The following WDPCP variants were observed in gnomAD, a reference collection of about 807,000 sequenced individuals.
WDPCP encodes WD repeat-containing and planar cell polarity effector protein fritz homolog.
A neutral mutation model predicts 93.1 loss-of-function variants in WDPCP; 71 were observed. The ratio of observed to expected loss-of-function variants is 0.76; its 90% CI spans 0.63 to 0.93. WDPCP has a LOEUF of 0.93. WDPCP is among the 40% of genes least tolerant of loss of function. The probability of loss-of-function intolerance (pLI) is 0.00; values close to 1 mark genes in which losing one functional copy is unlikely to be tolerated. For synonymous variants in WDPCP, 315 were observed against 315.0 expected, an observed-to-expected ratio of 1.00 and a Z score of 0.00; for missense variants, 844 against 887.4, an observed-to-expected ratio of 0.95 and a Z score of 0.62.
At chr2:63,516,408 CTACTTT>C (rs1278398964) in intron 1 of WDPCP, among the ~76,000 whole-genome samples, 1 of 152,086 alleles carries the variant, frequency 6.6e-6, no homozygotes, top group African/African-American at 2.4e-5. Flanking sequence ...TTTCTTCTAC[CTACTTT>C]TAAAGTTCTG....
intron 1 of WDPCP, among the ~76,000 whole-genome samples, chr2:63,572,501 G>A (rs528763006): frequency 5.3e-5 from 8 of 151,910 alleles, no homozygotes; most frequent in Admixed American, 1.3e-4. Context: ...TCAGGAGCTT[G>A]AGACCAGCCT....
intron 1 of WDPCP, among the ~76,000 whole-genome samples, chr2:63,505,991 A>G (rs1039048753): frequency 2.6e-5 from 4 of 152,140 alleles, no homozygotes; most frequent in African/African-American, 9.6e-5. Context: ...CAAAGAAGAG[A>G]GTTAAAATTT....
At chr2:63,795,163 A>G (rs190100641) in intron 2 of WDPCP, among the ~76,000 whole-genome samples, 38 of 152,348 alleles carry the variant, frequency 2.5e-4, no homozygotes, top group South Asian at 1.2e-3. Flanking sequence ...AACCTAAATG[A>G]TAAAGAATTT....
At position 63,355,910 on chromosome 2, in the gene WDPCP, C is replaced by A. The variant is rs1004504361; in HGVS notation, c.1748+22476G>T. Among the ~76,000 whole-genome samples, 15 of 151,856 alleles carry A rather than the reference C, an allele frequency of 9.9e-5. No individual in the cohort carries two copies. The East Asian group carries it at 1.2e-3, about 12-fold the overall frequency. On this transcript the variant is annotated intron_variant, in intron 12 of 17. Transcript: ENST00000272321. ...CTCAAAAAACAAACAAACAAAAAAACCCCACATATATCAATACTAACTTTG... is the reference window on the plus strand; with the variant it reads ...CTCAAAAAACAAACAAACAAAAAAAACCCACATATATCAATACTAACTTTG...
Position 63,425,505 on chromosome 2 carries a change from G to C in WDPCP, c.825+8240C>G, listed in dbSNP as rs72815394. Among the ~76,000 whole-genome samples the C allele has an allele frequency of 8.1e-3, 1,230 of 152,234 alleles. 12 individuals carry two copies. The highest frequency in any genetic ancestry group is 0.014 in the Middle Eastern group (4 of 294). On this transcript the variant is annotated intron_variant, in intron 9 of 17. Coordinates refer to ENST00000272321, the MANE Select transcript of WDPCP (RefSeq NM_015910.7). The stretch of plus-strand genomic sequence containing the variant: ...CAGTAAAATGATTCAAGAGTAGAAA[G>C]ATAAAACAGCCATTTTAAGAAACAA...
chr2:63,306,760 C>G (rs1575106511), intron 13 of WDPCP, among the ~76,000 whole-genome samples: 1 of 152,204 alleles, frequency 6.6e-6, no homozygotes, highest in Admixed American at 6.5e-5. Flanking sequence ...TAAGACCGAT[C>G]TATGACAAAC....
intron 2 of WDPCP, among the ~76,000 whole-genome samples, chr2:63,693,334 A>G (rs1055162306): frequency 3.9e-5 from 6 of 152,186 alleles, no homozygotes; most frequent in African/African-American, 1.4e-4. Context: ...AAGATGGTAT[A>G]AGCTGGTATG....
Position 63,121,910 on chromosome 2 carries a change from G to A in WDPCP, c.*96C>T. ...TTAACTAATTTATATGATTCATACT[G>A]TCTCTTGTTAAAAATCCACACGGGG... On this transcript the variant is annotated 3_prime_UTR_variant, in exon 18 of 18. Transcript: ENST00000272321. 2 of 1,584,474 alleles carry A rather than the reference G, an allele frequency of 1.3e-6. No individual in the cohort carries two copies. The highest frequency in any genetic ancestry group is 1.4e-5 in the African/African-American group (1 of 73,430).
intron 3 of WDPCP, among the ~76,000 whole-genome samples, chr2:63,635,380 C>A (rs1037554644): frequency 1.3e-5 from 2 of 152,122 alleles, no homozygotes; most frequent in Admixed American, 1.3e-4. Context: ...ATGAAGCCAG[C>A]ATTACCTTAA....
At chr2:63,511,990 A>G (rs569762240) in intron 1 of WDPCP, among the ~76,000 whole-genome samples, 1 of 152,234 alleles carries the variant, frequency 6.6e-6, no homozygotes, top group African/African-American at 2.4e-5. Flanking sequence ...AATTTTTGCA[A>G]TCTATCCATC....
intron 6 of WDPCP, among the ~76,000 whole-genome samples, chr2:63,444,328 A>AT (rs1218010492): frequency 1.3e-5 from 2 of 152,184 alleles, no homozygotes; most frequent in African/African-American, 4.8e-5. Context: ...TAATTAATGC[A>AT]TTTTTATAAA....
At chr2:63,691,775 A>G (rs143009825) in intron 2 of WDPCP, among the ~76,000 whole-genome samples, 2 of 152,304 alleles carry the variant, frequency 1.3e-5, no homozygotes, top group African/African-American at 4.8e-5. Context: ...TGTAACTGAC[A>G]TACAAAAGGA....
intron 6 of WDPCP, among the ~76,000 whole-genome samples, chr2:63,452,972 C>G (rs1235165208): frequency 1.3e-5 from 2 of 152,152 alleles, no homozygotes; most frequent in African/African-American, 4.8e-5. Flanking sequence ...AAATGTTAGA[C>G]CTAAAACCAT....
chr2:63,205,392 C>T (rs1456524094), intron 14 of WDPCP, among the ~76,000 whole-genome samples: 1 of 152,046 alleles, frequency 6.6e-6, no homozygotes, highest in African/African-American at 2.4e-5. Flanking sequence ...ATATGGATTG[C>T]ATTGAATATG....
At chr2:63,722,443 C>G (rs1434305626) in intron 2 of WDPCP, among the ~76,000 whole-genome samples, 1 of 150,518 alleles carries the variant, frequency 6.6e-6, no homozygotes, top group Middle Eastern at 3.4e-3. Context: ...AGGTGAGGAG[C>G]ATCTCTGCCC....
At chr2:63,723,287 A>T (rs1376955806) in intron 2 of WDPCP, among the ~76,000 whole-genome samples, 2 of 136,930 alleles carry the variant, frequency 1.5e-5, no homozygotes, top group Non-Finnish European at 3.2e-5. Flanking sequence ...TCAATAAAAA[A>T]TTAAAAAAAA....
At chr2:63,660,461 G>A (rs1294874865) in intron 2 of WDPCP, among the ~76,000 whole-genome samples, 10 of 152,204 alleles carry the variant, frequency 6.6e-5, no homozygotes, top group Admixed American at 2.0e-4. Flanking sequence ...GAACATGGAT[G>A]TAAGAAAGGG....
chr2:63,414,506 C>T lies in WDPCP; in HGVS notation c.826-9849G>A, dbSNP rs12997440. Among the ~76,000 whole-genome samples, 466 of 146,778 alleles carry T rather than the reference C, an allele frequency of 3.2e-3. 4 individuals carry two copies. The highest frequency in any genetic ancestry group is 0.011 in the African/African-American group (432 of 40,126). On this transcript the variant is annotated intron_variant, in intron 9 of 17. Coordinates refer to ENST00000272321, the MANE Select transcript of WDPCP (RefSeq NM_015910.7). ...ACACACACACACACACATATATATA[C>T]ACACACACATATATACATATGATGG...
chr2:63,836,651 G>A, the WDPCP span, among the ~76,000 whole-genome samples: 1 of 152,146 alleles, frequency 6.6e-6, no homozygotes, highest in Non-Finnish European at 1.5e-5. Flanking sequence ...TAAAGGGAAT[G>A]GCTCTATTGC....
Sources: allele counts gnomAD v4.1 joint callset (sites outside exome capture counted in the v4.1 genomes callset), GRCh38; gene constraint gnomAD v4.1.1; transcripts MANE v1.5; gene names NCBI Gene and HGNC (gene_info 2026-07-23, HGNC 2026-07-21).